INSC: variants seen among roughly 807,000 people sequenced by gnomAD.
INSC encodes the protein protein inscuteable homolog.
Under a neutral mutation model 58.6 loss-of-function variants are expected in INSC, and 67 were observed. The ratio of observed to expected loss-of-function variants is 1.14; its 90% CI spans 0.94 to 1.40. The LOEUF is 1.40. INSC is among the 40% of genes most tolerant of loss of function. The probability of loss-of-function intolerance (pLI) is 0.00; values close to 1 mark genes in which losing one functional copy is unlikely to be tolerated. For missense variants in INSC, 714 were observed against 692.0 expected (o/e 1.03, Z -0.36); for synonymous variants, 262 against 276.1 (o/e 0.95, Z 0.51).
intron 5 of INSC, among the ~76,000 whole-genome samples, chr11:15,187,913 G>A (rs1245630096): frequency 6.6e-6 from 1 of 152,144 alleles, no homozygotes; most frequent in African/African-American, 2.4e-5. Context: ...GTCAGTTTGA[G>A]GCCGATACTA....
chr11:15,116,315 C>A, intron 1 of INSC, among the ~76,000 whole-genome samples: 1 of 152,216 alleles, frequency 6.6e-6, no homozygotes, highest in Non-Finnish European at 1.5e-5. Context: ...GGTCCCAAGG[C>A]AACCATTTGG....
chr11:15,124,326 C>A (rs1847940070), intron 1 of INSC, among the ~76,000 whole-genome samples: 1 of 152,068 alleles, frequency 6.6e-6, no homozygotes, highest in South Asian at 2.1e-4. Context: ...AATGGGAGAC[C>A]AGAAGTGGCC....
rs780692277 is a variant in INSC, at chr11:15,200,740, C to T, written c.694-84C>T. ...AGGGAGGACCCGAAAGCATATCTGG[C>T]GAATCAGGGATGTCACTTATTCTTG... On this transcript the variant is annotated intron_variant, in intron 6 of 12. Coordinates refer to ENST00000379556, the MANE Select transcript of INSC (RefSeq NM_001042536.3). 418 of 1,581,324 alleles carry T rather than the reference C, an allele frequency of 2.6e-4. 1 individual carries two copies. Among genetic ancestry groups the T allele is most frequent in the Non-Finnish European group, 3.2e-4 (374 of 1,159,562 alleles).
At chr11:15,157,571 A>G (rs1848858209) in intron 2 of INSC, among the ~76,000 whole-genome samples, 1 of 152,152 alleles carries the variant, frequency 6.6e-6, no homozygotes, top group Non-Finnish European at 1.5e-5. Context: ...CAGACTTTTC[A>G]TAGTGGGGTC....
At chr11:15,231,666 G>T (rs1056723198) in intron 9 of INSC, among the ~76,000 whole-genome samples, 29 of 152,258 alleles carry the variant, frequency 1.9e-4, no homozygotes, top group African/African-American at 6.8e-4. Flanking sequence ...AGTCATACAA[G>T]CTGTTGGCCT....
chr11:15,149,279 G>A (rs764175458), intron 2 of INSC, 49 bp downstream of exon 2: 58 of 1,424,930 alleles, frequency 4.1e-5, no homozygotes, highest in African/African-American at 1.2e-4. Flanking sequence ...CATCTGAACC[G>A]TGACTGAGGC....
chr11:15,186,068 T>C (rs1355131046), intron 5 of INSC, among the ~76,000 whole-genome samples: 2 of 152,182 alleles, frequency 1.3e-5, no homozygotes, highest in Admixed American at 1.3e-4. Flanking sequence ...GGGTTTCCAT[T>C]TGGTTTCCAC....
At chr11:15,112,654 G>GA (rs59788323), upstream of INSC, 3 of 313,018 alleles carry the variant, frequency 9.6e-6, no homozygotes, top group Non-Finnish European at 1.1e-5. Flanking sequence ...AAGTGGGGGG[G>GA]GGGCATTTAT....
At chr11:15,239,205 CAG>C in intron 11 of INSC, 131 bp downstream of exon 11, 1 of 1,142,282 alleles carries the variant, frequency 8.8e-7, no homozygotes, top group South Asian at 1.6e-5. Flanking sequence ...TCTGGGGGCT[CAG>C]GGGTGGAGGC....
chr11:15,141,963 C>T (rs1848382737), intron 1 of INSC, among the ~76,000 whole-genome samples: 1 of 152,184 alleles, frequency 6.6e-6, no homozygotes, highest in African/African-American at 2.4e-5. Context: ...TCATTTCACT[C>T]CCCTGCTCAA....
intron 1 of INSC, among the ~76,000 whole-genome samples, chr11:15,118,531 T>C (rs1320923156): frequency 6.6e-6 from 1 of 152,218 alleles, no homozygotes; most frequent in Non-Finnish European, 1.5e-5. Context: ...GCCTTCAAGA[T>C]ATATCCTCCC....
chr11:15,165,684 A>C (rs979972986), intron 2 of INSC, among the ~76,000 whole-genome samples: 3 of 152,146 alleles, frequency 2.0e-5, no homozygotes, highest in East Asian at 3.9e-4. Flanking sequence ...GAAGTGATGA[A>C]TGTAACAGTC....
the INSC span, among the ~76,000 whole-genome samples, chr11:15,256,597 C>A: frequency 6.6e-6 from 1 of 151,602 alleles, no homozygotes. Flanking sequence ...TCAAGCGATT[C>A]TCTTGCCTCA....
At chr11:15,259,404 GATA>G in the INSC span, among the ~76,000 whole-genome samples, 1 of 152,118 alleles carries the variant, frequency 6.6e-6, no homozygotes, top group African/African-American at 2.4e-5. Flanking sequence ...CTATTCTATA[GATA>G]ATAATAGAGT....
chr11:15,175,631 C>T (rs1160905276), intron 2 of INSC, 110 bp from the exon 3 acceptor site: 20 of 685,864 alleles, frequency 2.9e-5, no homozygotes, highest in Non-Finnish European at 4.3e-5. Flanking sequence ...ATGGGAGAAA[C>T]ACTGCTAAAC....
At position 15,221,469 on chromosome 11, in the gene INSC, A is replaced by C; in HGVS notation, c.820-8A>C. 6.2e-7 allele frequency: 1 copy of C among 1,602,006 alleles called. No homozygotes were observed. Among genetic ancestry groups the C allele is most frequent in the East Asian group, 2.2e-5 (1 of 44,664 alleles). ...ATGCACAGGGGAGCTCCCTCTCTCCATCTGCAGGTGGATGGCGTTCTGTGC... is the reference window on the plus strand; with the variant it reads ...ATGCACAGGGGAGCTCCCTCTCTCCCTCTGCAGGTGGATGGCGTTCTGTGC... On this transcript the variant is annotated splice_polypyrimidine_tract_variant and splice_region_variant and intron_variant, in intron 7 of 12. Transcript: ENST00000379556.
chr11:15,178,373 G>A lies in INSC; in HGVS notation c.505G>A (p.Val169Met), dbSNP rs774420513. ...TGTCCTGAAGTCAATGAAGGCCTGC[G>A]TGAGTGAGACCCTGAGCATGCTGGG... is the stretch of plus-strand genomic sequence containing the variant. ...EHVLKSMKAC[V>M]SETLSMLGQH... is the part of the protein sequence containing the mutation. Residue 169 changes from valine (V) to methionine (M), a missense_variant, in exon 5 of 13, where the codon GTG (valine) becomes ATG (methionine). Val to Met is a conservative substitution (Grantham distance 21). Coordinates refer to ENST00000379556, the MANE Select transcript of INSC (RefSeq NM_001042536.3). The A allele has an allele frequency of 5.6e-6, 9 of 1,613,754 alleles. No homozygotes were observed. Among genetic ancestry groups the A allele is most frequent in the East Asian group, 4.5e-5 (2 of 44,870 alleles).
chr11:15,240,775 C>G (rs7116710), intron 12 of INSC, among the ~76,000 whole-genome samples: 83,743 of 152,026 alleles, frequency 0.55, 23,551 homozygotes, highest in East Asian at 0.75. Context: ...TGTTCTACCA[C>G]TACAATTTTA....
chr11:15,233,008 G>A (rs1018610119), intron 9 of INSC, among the ~76,000 whole-genome samples: 4 of 152,162 alleles, frequency 2.6e-5, no homozygotes, highest in Non-Finnish European at 4.4e-5. Flanking sequence ...CTGAGTTTGC[G>A]ATAATTTGTT....
Sources: allele counts gnomAD v4.1 joint callset (sites outside exome capture counted in the v4.1 genomes callset), GRCh38; gene constraint gnomAD v4.1.1; transcripts MANE v1.5; gene names NCBI Gene and HGNC (gene_info 2026-07-23, HGNC 2026-07-21).